SMARCC1: variants seen among roughly 807,000 people sequenced by gnomAD.
SMARCC1 encodes the protein SWI/SNF related BAF chromatin remodeling complex subunit C1.
A neutral mutation model predicts 147.4 loss-of-function variants in SMARCC1; 43 were observed. That is an observed-to-expected ratio of 0.29 (90% CI 0.23 to 0.38). The LOEUF (loss-of-function observed/expected upper bound fraction) is 0.38, where lower values mean the gene tolerates loss of function less well. Ranked by LOEUF, SMARCC1 falls within the 10% of genes least tolerant of loss-of-function variation. The pLI is 1.00. For synonymous variants in SMARCC1, 495 were observed against 484.4 expected, an observed-to-expected ratio of 1.02 and a Z score of -0.29; for missense variants, 1,119 against 1,381.1, an observed-to-expected ratio of 0.81 and a Z score of 3.01.
chr3:47,780,730 G>GT (rs755388251), intron 1 of SMARCC1, among the ~76,000 whole-genome samples: 1 of 152,088 alleles, frequency 6.6e-6, no homozygotes, highest in Non-Finnish European at 1.5e-5. Context: ...ACTAAAGAGG[G>GT]TGATAGGAAA....
chr3:47,604,768 G>A (rs546679409), intron 26 of SMARCC1: 3 of 135,506 alleles, frequency 2.2e-5, no homozygotes, highest in South Asian at 4.8e-4. Context: ...GCATGACCTC[G>A]GCTCACTGCA....
At chr3:47,631,772 C>T (rs1354557315) in intron 24 of SMARCC1, among the ~76,000 whole-genome samples, 1 of 152,060 alleles carries the variant, frequency 6.6e-6, no homozygotes, top group South Asian at 2.1e-4. Context: ...TGTTTATAGA[C>T]ACAGAAGAAA....
intron 24 of SMARCC1, 39 bp from the exon 25 acceptor site, chr3:47,622,380 T>C: frequency 1.2e-6 from 2 of 1,602,142 alleles, no homozygotes. Context: ...TAGGTAAACA[T>C]TTGCTTAAAG....
intron 9 of SMARCC1, among the ~76,000 whole-genome samples, chr3:47,707,517 CCT>C (rs1241708195): frequency 3.1e-4 from 47 of 151,994 alleles, no homozygotes; most frequent in Non-Finnish European, 5.7e-4. Context: ...GAAAAAAACA[CCT>C]AAATTATCAG....
At chr3:47,713,088 C>T (rs1009030172) in intron 8 of SMARCC1, among the ~76,000 whole-genome samples, 1 of 152,024 alleles carries the variant, frequency 6.6e-6, no homozygotes, top group Admixed American at 6.6e-5. Flanking sequence ...TTTGGGAGGT[C>T]CAGGCGGGCA....
chr3:47,689,022 C>A (rs1163683644), intron 13 of SMARCC1, among the ~76,000 whole-genome samples: 2 of 151,806 alleles, frequency 1.3e-5, no homozygotes, highest in African/African-American at 2.4e-5. Context: ...CCAGCCTGGG[C>A]AACATAAAAA....
chr3:47,638,381 C>G (rs113310956), intron 22 of SMARCC1, among the ~76,000 whole-genome samples: 1,569 of 152,264 alleles, frequency 0.01, 23 homozygotes, highest in African/African-American at 0.036. Flanking sequence ...CGTGAGCCAC[C>G]GCGCCCAGCC....
Position 47,709,332 on chromosome 3 carries a change from G to C in SMARCC1, c.918+1351C>G, listed in dbSNP as rs146565847. Among the ~76,000 whole-genome samples, 30 of 152,190 alleles carry C rather than the reference G, an allele frequency of 2.0e-4. No homozygotes were observed. The East Asian group carries it at 5.8e-3, about 29-fold the overall frequency. The stretch of plus-strand genomic sequence containing the variant: ...AAAGTCACAGCACTGAAATAGGTAT[G>C]AAAGTACTGTACTCTGCATGTCAGT... On this transcript the variant is annotated intron_variant, in intron 9 of 27. Transcript: ENST00000254480.
At chr3:47,715,793 C>T (rs1046653906) in intron 7 of SMARCC1, among the ~76,000 whole-genome samples, 2 of 152,168 alleles carry the variant, frequency 1.3e-5, no homozygotes, top group African/African-American at 2.4e-5. Flanking sequence ...TTGAGCCACA[C>T]AGGCTTTGAT....
rs760563066 is a variant in SMARCC1, at chr3:47,590,806, G to A, written c.3075C>T (p.Pro1025=). The A allele has an allele frequency of 1.0e-5, 16 of 1,601,752 alleles. No homozygotes were observed. The highest frequency in any genetic ancestry group is 8.7e-5 in the Admixed American group (5 of 57,702). ...GQIPGPGSMM[P]GQHMPGRMIP... is the part of the protein sequence containing the mutation. Reference sequence around the variant, plus strand: ...TCATGCGGCCTGGCATGTGCTGCCCGGGCATCATGGAACCTGGGCCTGGTA... The same window carrying A: ...TCATGCGGCCTGGCATGTGCTGCCCAGGCATCATGGAACCTGGGCCTGGTA... The change falls in exon 27 of 28, where the codon CCC becomes CCT. Residue 1025 remains proline, a synonymous_variant. Coordinates refer to ENST00000254480, the MANE Select transcript of SMARCC1 (RefSeq NM_003074.4).
chr3:47,636,513 C>G (rs895515938), intron 22 of SMARCC1, among the ~76,000 whole-genome samples: 2 of 152,204 alleles, frequency 1.3e-5, no homozygotes, highest in African/African-American at 4.8e-5. Context: ...GTCTGGGAGG[C>G]TGAGGCAGGC....
chr3:47,726,396 T>G (rs2034300667), intron 6 of SMARCC1, among the ~76,000 whole-genome samples: 1 of 151,918 alleles, frequency 6.6e-6, no homozygotes, highest in African/African-American at 2.4e-5. Context: ...TTTAAAGAGT[T>G]TAACTCTATT....
At chr3:47,723,278 T>C (rs1047367615) in intron 6 of SMARCC1, among the ~76,000 whole-genome samples, 1 of 151,328 alleles carries the variant, frequency 6.6e-6, no homozygotes, top group Non-Finnish European at 1.5e-5. Context: ...ATACAGTTAA[T>C]AATTAGCATA....
At chr3:47,735,151 T>C (rs2034426254) in intron 5 of SMARCC1, among the ~76,000 whole-genome samples, 1 of 152,124 alleles carries the variant, frequency 6.6e-6, no homozygotes, top group African/African-American at 2.4e-5. Context: ...CATTTCTTCT[T>C]ACCAACAATT....
intron 8 of SMARCC1, among the ~76,000 whole-genome samples, chr3:47,711,802 A>G (rs2034087465): frequency 6.6e-6 from 1 of 152,250 alleles, no homozygotes; most frequent in Non-Finnish European, 1.5e-5. Flanking sequence ...ATAGTTACAC[A>G]GTAATATACA....
At chr3:47,754,651 G>A (rs1044870303) in intron 2 of SMARCC1, among the ~76,000 whole-genome samples, 1 of 152,100 alleles carries the variant, frequency 6.6e-6, no homozygotes, top group African/African-American at 2.4e-5. Context: ...ATGAGCAGCT[G>A]AATTCCTAGA....
chr3:47,681,425 C>T lies in SMARCC1; in HGVS notation c.1386-917G>A, dbSNP rs931573487. Among the ~76,000 whole-genome samples, 17 of 152,056 alleles carry T rather than the reference C, an allele frequency of 1.1e-4. 1 individual carries two copies. The highest frequency in any genetic ancestry group is 8.8e-5 in the Non-Finnish European group (6 of 68,002). On this transcript the variant is annotated intron_variant, in intron 14 of 27. Coordinates refer to ENST00000254480, the MANE Select transcript of SMARCC1 (RefSeq NM_003074.4). ...TACATTTTAACAATATATGCAAACG[C>T]TAATAATTTTATGACATGTTACAGG...
At chr3:47,630,118 C>G (rs1333263991) in intron 24 of SMARCC1, among the ~76,000 whole-genome samples, 2 of 137,062 alleles carry the variant, frequency 1.5e-5, no homozygotes, top group Non-Finnish European at 3.0e-5. Context: ...GCAGCAGGCA[C>G]CAGTTTCACG....
intron 12 of SMARCC1, 125 bp from the exon 13 acceptor site, chr3:47,689,549 G>A (rs2033766677): frequency 1.3e-6 from 1 of 742,014 alleles, no homozygotes; most frequent in East Asian, 2.7e-5. Context: ...CATTATTAAA[G>A]CAAAATCACT....
Sources: gnomAD v4.1 joint callset for allele counts (sites outside exome capture counted in the v4.1 genomes callset) on GRCh38, gnomAD v4.1.1 for gene constraint, MANE v1.5 for transcripts, NCBI Gene and HGNC (gene_info 2026-07-23, HGNC 2026-07-21) for gene names.